Variants in ABL2 observed in about 807,000 individuals in gnomAD.
ABL2 encodes tyrosine-protein kinase ABL2.
A neutral mutation model predicts 107.7 loss-of-function variants in ABL2; 49 were observed. The ratio of observed to expected loss-of-function variants is 0.45; its 90% CI spans 0.36 to 0.58. ABL2 has a LOEUF of 0.58. Among genes scored for constraint, ABL2 ranks in the 20% least tolerant of loss-of-function variants. The pLI, the probability that ABL2 is intolerant of heterozygous loss-of-function variation, is 0.00. For missense variants in ABL2, 1,245 were observed against 1,457.0 expected (o/e 0.85, Z 2.37); for synonymous variants, 549 against 548.6 (o/e 1.00, Z -0.01).
rs545966686 is a variant in ABL2, at chr1:179,124,676, T to C, written c.687+1701A>G. 4.6e-5 allele frequency among the ~76,000 whole-genome samples: 7 copies of C among 152,072 alleles called. No individual in the cohort carries two copies. The East Asian group carries it at 1.4e-3, about 29-fold the overall frequency. On this transcript the variant is annotated intron_variant, in intron 4 of 11. Coordinates refer to ENST00000502732, the MANE Select transcript of ABL2 (RefSeq NM_007314.4). ...TAGAGACAGGGTTTCACCATGTTTG[T>C]GGGGCTGACATCCTGACCTCCAGTG...
Position 179,103,021 on chromosome 1 carries a change from C to T in ABL2, c.*4697G>A. On this transcript the variant is annotated 3_prime_UTR_variant, in exon 12 of 12. Transcript: ENST00000502732. ...AACATCAACAGATAACAAGTCTGTT[C>T]CCACCACATTTAGGATAAATGGCCA... 4.5e-6 allele frequency: 1 copy of T among 224,628 alleles called. No individual in the cohort carries two copies. Among genetic ancestry groups the T allele is most frequent in the Non-Finnish European group, 8.9e-6 (1 of 112,672 alleles). The allele number at this position is 224,628 out of a possible 1,614,324, so 13.9% of individuals were successfully genotyped here.
rs1266749122 is a variant in ABL2 at position 179,118,742 on chromosome 1, T to C, written c.1068A>G (p.Pro356=). 5 of 1,613,968 alleles carry C rather than the reference T, an allele frequency of 3.1e-6. No individual in the cohort carries two copies. The highest frequency in any genetic ancestry group is 4.2e-6 in the Non-Finnish European group (5 of 1,180,016). The change falls in exon 7 of 12, where the codon CCA becomes CCG. Residue 356 remains proline, a synonymous_variant. Transcript: ENST00000502732. ...QLLGVCTLEP[P]FYIVTEYMPY... ...GCATGTATTCAGTCACAATGTAAAA[T>C]GGTGGCTCCAAAGTACACACACCTA...
chr1:179,147,075 T>A (rs1368303190), intron 1 of ABL2, among the ~76,000 whole-genome samples: 5 of 144,552 alleles, frequency 3.5e-5, no homozygotes, highest in Admixed American at 7.1e-5. Flanking sequence ...AAAAAAAAAA[T>A]TTAAAAAGTA....
chr1:179,229,208 C>CCCCCCCCCCCCCAAA, intron 1 of ABL2, 33 bp downstream of exon 1: 4 of 1,488,050 alleles, frequency 2.7e-6, no homozygotes, highest in Non-Finnish European at 3.6e-6. Flanking sequence ...CGGCCTCCCC[C>CCCCCCCCCCCCCAAA]ACGCTCTCAT....
intron 6 of ABL2, among the ~76,000 whole-genome samples, chr1:179,119,409 G>A (rs1157127472): frequency 1.3e-5 from 2 of 152,094 alleles, no homozygotes; most frequent in Middle Eastern, 3.4e-3. Flanking sequence ...GGTGATGCAC[G>A]TTGAGGCACG....
intron 4 of ABL2, among the ~76,000 whole-genome samples, chr1:179,123,928 G>T (rs1259972931): frequency 6.6e-6 from 1 of 152,050 alleles, no homozygotes; most frequent in African/African-American, 2.4e-5. Flanking sequence ...ACCATGCCTA[G>T]CCTGTTATTT....
At chr1:179,206,987 AAGAG>A (rs965563598) in intron 1 of ABL2, among the ~76,000 whole-genome samples, 5 of 151,922 alleles carry the variant, frequency 3.3e-5, no homozygotes, top group African/African-American at 9.7e-5. Flanking sequence ...CAGTTCCTGA[AAGAG>A]AGAGACAGAA....
At chr1:179,133,942 T>C (rs1411249057) in intron 1 of ABL2, among the ~76,000 whole-genome samples, 1 of 152,184 alleles carries the variant, frequency 6.6e-6, no homozygotes, top group Non-Finnish European at 1.5e-5. Flanking sequence ...GGAGTGCCAG[T>C]AACTGAAACT....
intron 1 of ABL2, among the ~76,000 whole-genome samples, chr1:179,173,425 C>G (rs182325937): frequency 7.1e-6 from 1 of 141,246 alleles, no homozygotes; most frequent in Non-Finnish European, 1.5e-5. Flanking sequence ...TGCAATGGCA[C>G]GATCTCAGCT....
intron 1 of ABL2, among the ~76,000 whole-genome samples, chr1:179,141,675 C>G (rs1306472089): frequency 6.6e-6 from 1 of 152,174 alleles, no homozygotes; most frequent in Non-Finnish European, 1.5e-5. Flanking sequence ...TTGGTTGAGT[C>G]AAAAGATCTT....
intron 1 of ABL2, among the ~76,000 whole-genome samples, chr1:179,138,917 CG>C (rs988146741): frequency 6.6e-6 from 1 of 152,194 alleles, no homozygotes; most frequent in East Asian, 1.9e-4. Flanking sequence ...GTGGGCTTGG[CG>C]GGCCCCGCAC....
chr1:179,191,772 A>G (rs1661032145), intron 1 of ABL2, among the ~76,000 whole-genome samples: 1 of 152,140 alleles, frequency 6.6e-6, no homozygotes, highest in Non-Finnish European at 1.5e-5. Flanking sequence ...TAAATAATCA[A>G]CACTCTGTAA....
intron 1 of ABL2, among the ~76,000 whole-genome samples, chr1:179,224,879 AC>A: frequency 6.6e-6 from 1 of 150,956 alleles, no homozygotes; most frequent in South Asian, 2.1e-4. Context: ...ACACAAAATT[AC>A]CCAGGTGTGA....
chr1:179,133,396 C>G, intron 1 of ABL2, 22 bp from the exon 2 acceptor site: 2 of 1,614,012 alleles, frequency 1.2e-6, no homozygotes, highest in Non-Finnish European at 8.5e-7. Flanking sequence ...AAAAATTGAC[C>G]ACGTCACTTT....
intron 1 of ABL2, among the ~76,000 whole-genome samples, chr1:179,157,646 G>A (rs1329024994): frequency 6.6e-6 from 1 of 152,008 alleles, no homozygotes; most frequent in African/African-American, 2.4e-5. Flanking sequence ...CCATTGATCA[G>A]GTAGGAGGGA....
intron 1 of ABL2, among the ~76,000 whole-genome samples, chr1:179,145,231 G>A (rs1167426146): frequency 2.0e-5 from 3 of 152,092 alleles, no homozygotes; most frequent in Admixed American, 2.0e-4. Context: ...TTCTGCAAAT[G>A]GATGGCTATA....
chr1:179,101,213 T>C lies in ABL2; in HGVS notation c.*6505A>G, dbSNP rs1653059862. 1 of 224,720 alleles carries C rather than the reference T, an allele frequency of 4.4e-6. No homozygotes were observed. 13.9% of individuals were successfully genotyped at this position (224,720 alleles called of 1,614,324 possible). ...GGCACAAATCTCCAAGGGTGGCCTC[T>C]CAGCAGTTTCTGCCATTCCAAGTCA... On this transcript the variant is annotated 3_prime_UTR_variant, in exon 12 of 12. Coordinates refer to ENST00000502732, the MANE Select transcript of ABL2 (RefSeq NM_007314.4).
intron 1 of ABL2, among the ~76,000 whole-genome samples, chr1:179,185,950 G>T (rs1329973120): frequency 3.3e-5 from 5 of 151,986 alleles, no homozygotes; most frequent in Non-Finnish European, 5.9e-5. Context: ...TGAGAGTAGA[G>T]AAAATTAGCA....
chr1:179,144,829 T>C lies in ABL2; in HGVS notation c.158-11455A>G, dbSNP rs576595174. 5.4e-4 allele frequency among the ~76,000 whole-genome samples: 82 copies of C among 152,274 alleles called. 1 individual carries two copies. Among genetic ancestry groups the C allele is most frequent in the South Asian group, 1.2e-3 (6 of 4,824 alleles). On this transcript the variant is annotated intron_variant, in intron 1 of 11. Transcript: ENST00000502732. The stretch of plus-strand genomic sequence containing the variant: ...ATGACTAAGAATTTCAAATACCAGA[T>C]TGAATATCTCATTCTCCGGATTATA...
Sources: allele counts gnomAD v4.1 joint callset (sites outside exome capture counted in the v4.1 genomes callset), GRCh38; gene constraint gnomAD v4.1.1; transcripts MANE v1.5; gene names NCBI Gene and HGNC (gene_info 2026-07-23, HGNC 2026-07-21).